The following LPP variants were observed in gnomAD, a reference collection of about 807,000 sequenced individuals.
LPP encodes lipoma-preferred partner.
Under a neutral mutation model 60.4 loss-of-function variants are expected in LPP, and 38 were observed. The observed-to-expected ratio is 0.63, with a 90% CI of 0.49 to 0.83. The LOEUF (loss-of-function observed/expected upper bound fraction) is 0.83, where lower values mean the gene tolerates loss of function less well. Among genes scored for constraint, LPP ranks in the 40% least tolerant of loss-of-function variants. The pLI, the probability that LPP is intolerant of heterozygous loss-of-function variation, is 0.00. For missense variants in LPP, 902 were observed against 783.6 expected (o/e 1.15, Z -1.80); for synonymous variants, 328 against 290.8 (o/e 1.13, Z -1.30).
At chr3:188,752,236 A>G (rs1728331742) in intron 8 of LPP, among the ~76,000 whole-genome samples, 1 of 152,194 alleles carries the variant, frequency 6.6e-6, no homozygotes, top group South Asian at 2.1e-4. Flanking sequence ...TTGACAGCAA[A>G]TAGAAACTCA....
At chr3:188,315,947 A>T (rs1296866966) in intron 2 of LPP, among the ~76,000 whole-genome samples, 2 of 152,200 alleles carry the variant, frequency 1.3e-5, no homozygotes, top group Non-Finnish European at 2.9e-5. Context: ...AGTTTTTCTC[A>T]AATCAAGTAT....
At chr3:188,476,204 C>T (rs916698763) in intron 4 of LPP, among the ~76,000 whole-genome samples, 2 of 152,112 alleles carry the variant, frequency 1.3e-5, no homozygotes, top group African/African-American at 2.4e-5. Flanking sequence ...TGGAGAAGCA[C>T]ACTTTGTTAG....
At chr3:188,181,786 A>T (rs1725082554) in intron 1 of LPP, among the ~76,000 whole-genome samples, 1 of 152,236 alleles carries the variant, frequency 6.6e-6, no homozygotes, top group Non-Finnish European at 1.5e-5. Flanking sequence ...CAGTGGCATG[A>T]GCATAGCTCA....
At chr3:188,501,742 A>G (rs1175839236) in intron 5 of LPP, among the ~76,000 whole-genome samples, 1 of 143,082 alleles carries the variant, frequency 7.0e-6, no homozygotes, top group East Asian at 2.1e-4. Context: ...CCATCTCAAA[A>G]AAAACAAAAA....
Position 188,501,299 on chromosome 3 carries a change from C to T in LPP, c.306+16595C>T, listed in dbSNP as rs1179370975. ...TTTTCTATTTCCCTTGTGATTTCTC[C>T]TTTGATCCATTGTTTGTTAAAGAGC... On this transcript the variant is annotated intron_variant, in intron 5 of 11. Coordinates refer to ENST00000617246, the MANE Select transcript of LPP (RefSeq NM_001375462.1). 3.3e-5 allele frequency among the ~76,000 whole-genome samples: 5 copies of T among 152,060 alleles called. No homozygotes were observed. In the East Asian group the frequency reaches 9.6e-4, roughly 29 times the overall value.
intron 7 of LPP, among the ~76,000 whole-genome samples, chr3:188,616,604 C>T (rs184975930): frequency 3.3e-5 from 5 of 151,384 alleles, no homozygotes; most frequent in East Asian, 3.9e-4. Context: ...TTTTCATTTC[C>T]GTATACGTTT....
At chr3:188,216,328 G>A (rs1250759549) in intron 1 of LPP, among the ~76,000 whole-genome samples, 1 of 147,702 alleles carries the variant, frequency 6.8e-6, no homozygotes, top group East Asian at 2.1e-4. Context: ...CTGGAGTGCA[G>A]GGCGTGATCT....
chr3:188,876,587 T>C lies in LPP; in HGVS notation c.*2108T>C. On this transcript the variant is annotated 3_prime_UTR_variant, in exon 12 of 12. Coordinates refer to ENST00000617246, the MANE Select transcript of LPP (RefSeq NM_001375462.1). ...TGATGACCTCAAGTAGCACTGACTATTTGACAATAGGGCTGATAATGTAAT... is the reference window on the plus strand; with the variant it reads ...TGATGACCTCAAGTAGCACTGACTACTTGACAATAGGGCTGATAATGTAAT... 4.9e-6 allele frequency: 1 copy of C among 203,958 alleles called. No homozygotes were observed. Among genetic ancestry groups the C allele is most frequent in the Non-Finnish European group, 1.0e-5 (1 of 99,344 alleles). 12.6% of individuals were successfully genotyped at this position (203,958 alleles called of 1,614,324 possible).
At chr3:188,821,527 A>G (rs1305065133) in intron 9 of LPP, among the ~76,000 whole-genome samples, 1 of 151,990 alleles carries the variant, frequency 6.6e-6, no homozygotes, top group Non-Finnish European at 1.5e-5. Flanking sequence ...GTCACTCTTA[A>G]CACCTAAAAA....
At chr3:188,696,763 T>C (rs565145557) in intron 7 of LPP, among the ~76,000 whole-genome samples, 1 of 152,352 alleles carries the variant, frequency 6.6e-6, no homozygotes, top group African/African-American at 2.4e-5. Flanking sequence ...TACTGATTAC[T>C]ATCAACGTTC....
At chr3:188,353,258 C>T (rs1334093929) in intron 3 of LPP, among the ~76,000 whole-genome samples, 4 of 152,144 alleles carry the variant, frequency 2.6e-5, no homozygotes, top group African/African-American at 9.7e-5. Context: ...TTTAATCAGG[C>T]ACCTGGAAGA....
At chr3:188,820,015 A>G (rs569241047) in intron 9 of LPP, among the ~76,000 whole-genome samples, 49 of 152,326 alleles carry the variant, frequency 3.2e-4, no homozygotes, top group Admixed American at 3.2e-3. Flanking sequence ...AGAAGGTTAC[A>G]TAGTGTCTGT....
rs768037808 is a variant in LPP, at chr3:188,406,105, A to G, written c.-9-7A>G. The G allele has an allele frequency of 6.2e-7, 1 of 1,603,410 alleles. No individual in the cohort carries two copies. Among genetic ancestry groups the G allele is most frequent in the East Asian group, 2.2e-5 (1 of 44,738 alleles). On this transcript the variant is annotated splice_region_variant and splice_polypyrimidine_tract_variant and intron_variant, in intron 3 of 11. Transcript: ENST00000617246. The stretch of plus-strand genomic sequence containing the variant: ...TCCATAAAAACAGTGTTTCTTTTTC[A>G]TTGCAGATTCCAACAATGTCTCACC...
intron 1 of LPP, among the ~76,000 whole-genome samples, chr3:188,166,182 C>CTTCT (rs113981862): frequency 6.6e-6 from 1 of 151,084 alleles, no homozygotes; most frequent in African/African-American, 2.4e-5. Context: ...CTTTCTTCTT[C>CTTCT]TTCTTTCTTT....
intron 1 of LPP, among the ~76,000 whole-genome samples, chr3:188,167,195 A>T (rs575548701): frequency 1.7e-4 from 26 of 152,322 alleles, no homozygotes; most frequent in African/African-American, 6.0e-4. Context: ...AGTGTAGTAA[A>T]GCCTCAAAGC....
At chr3:188,760,332 G>T in intron 9 of LPP, 50 bp downstream of exon 9, 7 of 1,589,528 alleles carry the variant, frequency 4.4e-6, no homozygotes, top group Non-Finnish European at 6.0e-6. Flanking sequence ...GTCTTCTGTG[G>T]CTGAATGCCA....
At chr3:188,734,497 C>T (rs1464383982) in intron 8 of LPP, among the ~76,000 whole-genome samples, 5 of 152,206 alleles carry the variant, frequency 3.3e-5, no homozygotes, top group African/African-American at 9.6e-5. Flanking sequence ...GGTTCCTGTA[C>T]ACTTTGGCAA....
chr3:188,626,045 T>C (rs894462793), intron 7 of LPP, among the ~76,000 whole-genome samples: 2 of 152,162 alleles, frequency 1.3e-5, no homozygotes, highest in African/African-American at 4.8e-5. Flanking sequence ...TGTGTTAAGA[T>C]ATATTCACAT....
chr3:188,507,843 A>C (rs951037374), intron 5 of LPP, among the ~76,000 whole-genome samples: 1 of 152,198 alleles, frequency 6.6e-6, no homozygotes, highest in African/African-American at 2.4e-5. Flanking sequence ...CTTTTGCTTC[A>C]GTTTCTGTCC....
Sources: allele counts gnomAD v4.1 joint callset (sites outside exome capture counted in the v4.1 genomes callset), GRCh38; gene constraint gnomAD v4.1.1; transcripts MANE v1.5; gene names NCBI Gene and HGNC (gene_info 2026-07-23, HGNC 2026-07-21).